Variants in MYH14 observed in about 807,000 individuals in gnomAD.
The protein encoded by MYH14 is myosin-14.
MYH14 carries 123 observed loss-of-function variants against 255.5 expected under a neutral mutation model. That is an observed-to-expected ratio of 0.48 (90% confidence interval 0.42 to 0.56). The LOEUF is 0.56. Among genes scored for constraint, MYH14 ranks in the 20% least tolerant of loss-of-function variants. MYH14 has a pLI of 0.00. For synonymous variants in MYH14, 1,095 were observed against 1,161.2 expected (o/e 0.94, Z 1.16); for missense variants, 2,423 against 2,802.3 (o/e 0.86, Z 3.06).
intron 32 of MYH14, 123 bp from the exon 33 acceptor site, chr19:50,281,471 G>A (rs2035715420): frequency 7.2e-7 from 1 of 1,396,998 alleles, no homozygotes; most frequent in Non-Finnish European, 9.6e-7. Context: ...GAAGAGCCCA[G>A]CAGAATGACC....
chr19:50,306,922 A>G, intron 40 of MYH14, 127 bp from the exon 41 acceptor site: 1 of 720,452 alleles, frequency 1.4e-6, no homozygotes, highest in Non-Finnish European at 2.4e-6. Context: ...TGTGGGAACC[A>G]CTTAGGGGTT....
At chr19:50,244,055 C>T (rs373113131) in intron 10 of MYH14, among the ~76,000 whole-genome samples, 187 bp from the exon 11 acceptor site, 105 of 151,976 alleles carry the variant, frequency 6.9e-4, no homozygotes, top group Middle Eastern at 3.4e-3. Context: ...GTGATCCTCC[C>T]GCCTCGGCCT....
intron 17 of MYH14, among the ~76,000 whole-genome samples, chr19:50,256,171 T>C (rs2034585498): frequency 6.6e-6 from 1 of 151,900 alleles, no homozygotes; most frequent in African/African-American, 2.4e-5. Flanking sequence ...CCAAACTACT[T>C]GGGAGGCTGA....
In MYH14 at chr19:50,210,683, G is replaced by C; in HGVS notation, c.318G>C (p.Lys106Asn). Residue 106 changes from lysine (K) to asparagine (N), a missense_variant, in exon 2 of 43, where the codon AAG becomes AAC. This residue lies in a region of MYH14 where 238 missense variants were observed against 245.8 expected (regional missense o/e 0.97). Coordinates refer to ENST00000642316, the MANE Select transcript of MYH14 (RefSeq NM_001145809.2). ...GCATGAACCCGCCCAAGTTCAGCAA[G>C]GCCGAGGACATGGCCGAGCTGACCT... ...IQRMNPPKFS[K>N]AEDMAELTCL... The C allele has an allele frequency of 1.9e-6, 3 of 1,570,588 alleles. No individual in the cohort carries two copies. Among genetic ancestry groups the C allele is most frequent in the Non-Finnish European group, 2.6e-6 (3 of 1,159,748 alleles).
intron 40 of MYH14, among the ~76,000 whole-genome samples, chr19:50,303,440 T>G (rs2036558643): frequency 6.6e-6 from 1 of 152,196 alleles, no homozygotes; most frequent in Non-Finnish European, 1.5e-5. Context: ...TAAAGACTCC[T>G]TGAGGCCTGC....
intron 16 of MYH14, among the ~76,000 whole-genome samples, chr19:50,254,232 AG>A: frequency 6.6e-6 from 1 of 150,476 alleles, no homozygotes; most frequent in African/African-American, 2.5e-5. Context: ...AAAAAAAAAA[AG>A]GAAAAAAAAA....
In MYH14 at chr19:50,262,014, G is replaced by A. The variant is rs180719117; in HGVS notation, c.2585+379G>A. On this transcript the variant is annotated intron_variant, in intron 21 of 42. Transcript: ENST00000642316. ...CCTCGAGGGGCTCCAGTCTGGAGGTGAGACTTCCATGGGCATAGAGTCCCA... is the reference window on the plus strand; with the variant it reads ...CCTCGAGGGGCTCCAGTCTGGAGGTAAGACTTCCATGGGCATAGAGTCCCA... Among the ~76,000 whole-genome samples the A allele has an allele frequency of 1.4e-3, 213 of 152,290 alleles. 1 individual carries two copies. The highest frequency in any genetic ancestry group is 1.6e-3 in the Admixed American group (24 of 15,300).
chr19:50,247,121 A>G lies in MYH14; in HGVS notation c.1328A>G (p.Gln443Arg), dbSNP rs906782944. ...DYVQKAQTKE[Q>R]ADFALEALAK... ...GTGCAGAAAGCCCAGACTAAGGAAC[A>G]GGTAGGCGGGGCTGGCGGTGGGCAG... Residue 443 changes from glutamine to arginine, a missense_variant and splice_region_variant, in exon 12 of 43, where the codon CAG (glutamine) becomes CGG (arginine). This residue lies in a region of MYH14 where 672 missense variants were observed against 881.8 expected (regional missense o/e 0.76). Transcript: ENST00000642316. 1.2e-6 allele frequency: 2 copies of G among 1,609,288 alleles called. No homozygotes were observed. Among genetic ancestry groups the G allele is most frequent in the Non-Finnish European group, 1.7e-6 (2 of 1,176,460 alleles).
rs1303088612 is a variant in MYH14 at position 50,280,296 on chromosome 19, T to C, written c.4203T>C (p.Ala1401=). ...GGTCCCGGGTGCGAGCCATGGAGGCTGAGGCAGCCGGGCTGCGTGAGCAGC... is the reference window on the plus strand; with the variant it reads ...GGTCCCGGGTGCGAGCCATGGAGGCCGAGGCAGCCGGGCTGCGTGAGCAGC... ...ALGSRVRAME[A]EAAGLREQLE... Residue 1401 remains alanine, a synonymous_variant, in exon 32 of 43, where the codon GCT becomes GCC. Coordinates refer to ENST00000642316, the MANE Select transcript of MYH14 (RefSeq NM_001145809.2). The surrounding 1 kb of genome is among the most constrained non-coding windows in gnomAD (Gnocchi z 4.8). The C allele has an allele frequency of 6.4e-6, 10 of 1,551,098 alleles. No homozygotes were observed. In the African/African-American group the frequency reaches 1.2e-4, roughly 19 times the overall value.
intron 24 of MYH14, among the ~76,000 whole-genome samples, chr19:50,271,054 C>A (rs1003133921): frequency 2.0e-5 from 3 of 152,060 alleles, no homozygotes; most frequent in African/African-American, 7.2e-5. Context: ...AATGTGATTT[C>A]CACAAGGATA....
intron 29 of MYH14, among the ~76,000 whole-genome samples, chr19:50,277,751 A>G (rs1283730891): frequency 1.3e-5 from 2 of 151,744 alleles, no homozygotes; most frequent in Non-Finnish European, 2.9e-5. Flanking sequence ...TCCCATCTCT[A>G]CTAAAAACAC....
intron 32 of MYH14, among the ~76,000 whole-genome samples, chr19:50,281,051 A>G (rs989722056): frequency 1.3e-5 from 2 of 152,114 alleles, no homozygotes; most frequent in Admixed American, 1.3e-4. Context: ...CTAGAATCCC[A>G]TCAGAGTTAG....
chr19:50,273,313 AAAAG>A (rs1448284213), intron 27 of MYH14, among the ~76,000 whole-genome samples: 1 of 137,876 alleles, frequency 7.3e-6, no homozygotes, highest in Admixed American at 7.2e-5. Context: ...AAAAAAAAAA[AAAAG>A]AGCTATTTCT....
At chr19:50,212,489 T>C (rs1448354992) in intron 2 of MYH14, among the ~76,000 whole-genome samples, 1 of 152,186 alleles carries the variant, frequency 6.6e-6, no homozygotes, top group East Asian at 1.9e-4. Context: ...ACTGCTGATA[T>C]CACCTGATGT....
intron 17 of MYH14, 23 bp from the exon 18 acceptor site, chr19:50,257,276 C>G (rs766540965): frequency 1.2e-5 from 19 of 1,574,608 alleles, no homozygotes. Context: ...CCTTCTCTCT[C>G]TCTCTGCATC....
At chr19:50,272,213 T>C (rs2035329641) in intron 26 of MYH14, among the ~76,000 whole-genome samples, 2 of 152,216 alleles carry the variant, frequency 1.3e-5, no homozygotes, top group African/African-American at 4.8e-5. Context: ...TCCCACTGTC[T>C]GTCTGTTTCA....
At chr19:50,292,189 G>A in intron 36 of MYH14, 72 bp from the exon 37 acceptor site, 1 of 1,456,580 alleles carries the variant, frequency 6.9e-7, no homozygotes, top group Non-Finnish European at 9.1e-7. Context: ...CCGTCGGTCT[G>A]GCAAGGGGGT....
chr19:50,280,148 C>G lies in MYH14; in HGVS notation c.4137+7C>G. 6.3e-7 allele frequency: 1 copy of G among 1,590,630 alleles called. No homozygotes were observed. ...CCAGCTGCACGATGCCCAGGTGACC[C>G]TGCCTGCCCTTCGGCTCCACCGTCA... On this transcript the variant is annotated splice_region_variant and intron_variant, in intron 31 of 42. Transcript: ENST00000642316. The surrounding 1 kb of genome is among the most constrained non-coding windows in gnomAD (Gnocchi z 4.8).
rs2033312959 is a variant in MYH14 at position 50,230,374 on chromosome 19, AG to A, written c.875-150del. Reference sequence around the variant, plus strand: ...GTGACATGAGCACGGCTGCTCTTCCAGTTAGTGGCAAAGTCACCAGCCTGGG... The same window carrying A: ...GTGACATGAGCACGGCTGCTCTTCCATTAGTGGCAAAGTCACCAGCCTGGG... On this transcript the variant is annotated intron_variant, in intron 8 of 42. Coordinates refer to ENST00000642316, the MANE Select transcript of MYH14 (RefSeq NM_001145809.2). This position sits in a 1 kb window ranked among gnomAD's most constrained non-coding sequence, Gnocchi z 4.7. The A allele has an allele frequency of 3.0e-6, 2 of 667,696 alleles. No homozygotes were observed. The highest frequency in any genetic ancestry group is 5.3e-6 in the Non-Finnish European group (2 of 376,118). The allele number at this position is 667,696 out of a possible 1,614,324, so 41.4% of individuals were successfully genotyped here. A position where few individuals can be genotyped will look rare whatever the true frequency, so the allele number is the denominator to read the frequency against.
Sources: allele counts gnomAD v4.1 joint callset (sites outside exome capture counted in the v4.1 genomes callset), GRCh38; gene constraint gnomAD v4.1.1; regional missense constraint gnomAD v4.1.1; non-coding constraint Gnocchi (gnomAD v3.1); transcripts MANE v1.5; gene names NCBI Gene and HGNC (gene_info 2026-07-23, HGNC 2026-07-21).